TRPC6: variants seen among roughly 807,000 people sequenced by gnomAD.
TRPC6 encodes transient receptor potential cation channel subfamily C member 6.
TRPC6 carries 55 observed loss-of-function variants against 90.7 expected under a neutral mutation model. The ratio of observed to expected loss-of-function variants is 0.61; its 90% CI spans 0.49 to 0.76. The LOEUF is 0.76. TRPC6 is among the 30% of genes least tolerant of loss of function. TRPC6 has a pLI of 0.00. For synonymous variants in TRPC6, 393 were observed against 393.0 expected (o/e 1.00, Z 0.00); for missense variants, 989 against 1,122.7 (o/e 0.88, Z 1.70).
chr11:101,469,806 T>G (rs1215581894), intron 9 of TRPC6, among the ~76,000 whole-genome samples: 1 of 152,216 alleles, frequency 6.6e-6, no homozygotes, highest in African/African-American at 2.4e-5. Flanking sequence ...TATCATAGAT[T>G]GTATTTTTTC....
intron 7 of TRPC6, 75 bp downstream of exon 7, chr11:101,473,434 A>G: frequency 6.5e-7 from 1 of 1,530,870 alleles, no homozygotes; most frequent in Non-Finnish European, 9.0e-7. Context: ...TATCCCATGG[A>G]CTTACATAAA....
At chr11:101,552,385 A>G (rs1478147400) in intron 1 of TRPC6, among the ~76,000 whole-genome samples, 1 of 152,054 alleles carries the variant, frequency 6.6e-6, no homozygotes, top group Non-Finnish European at 1.5e-5. Flanking sequence ...TAATCATCCA[A>G]AATTACTTGG....
At chr11:101,513,343 C>A (rs1206073736) in intron 1 of TRPC6, among the ~76,000 whole-genome samples, 1 of 152,104 alleles carries the variant, frequency 6.6e-6, no homozygotes, top group Non-Finnish European at 1.5e-5. Context: ...GAAGAGTAGG[C>A]CAGGATGACC....
chr11:101,583,339 G>A lies in TRPC6; in HGVS notation c.165C>T (p.Pro55=), dbSNP rs1311281260. ...CCCGCGTCGCCGGCACTCACAAGCA[G>A]GGGTAGTAGCCGTAGCAAGGCAGCG... is the stretch of plus-strand genomic sequence containing the variant. ...QAPLPCYGYY[P]CFRGSDNRLA... The change falls in exon 1 of 13, where the codon CCC becomes CCT. Residue 55 remains proline, a synonymous_variant. Coordinates refer to ENST00000344327, the MANE Select transcript of TRPC6 (RefSeq NM_004621.6). 2 of 1,588,216 alleles carry A rather than the reference G, an allele frequency of 1.3e-6. No homozygotes were observed. The highest frequency in any genetic ancestry group is 1.7e-6 in the Non-Finnish European group (2 of 1,167,920).
intron 1 of TRPC6, among the ~76,000 whole-genome samples, chr11:101,541,403 C>G (rs1861169597): frequency 6.6e-6 from 1 of 152,108 alleles, no homozygotes; most frequent in Non-Finnish European, 1.5e-5. Context: ...GCTCTTTCGC[C>G]CAGGCCGGAG....
intron 1 of TRPC6, among the ~76,000 whole-genome samples, chr11:101,524,174 T>C (rs926125121): frequency 2.0e-5 from 3 of 152,256 alleles, no homozygotes; most frequent in Non-Finnish European, 4.4e-5. Flanking sequence ...TTTGGGATTA[T>C]AGGTTGATCA....
rs1861888800 is a variant in TRPC6, at chr11:101,568,663, C to A, written c.170+14671G>T. ...GAAGCCCATCAGACTAACAGCGAATCTCTTGGCAGAAACCCTACAAGCTAG... is the reference window on the plus strand; with the variant it reads ...GAAGCCCATCAGACTAACAGCGAATATCTTGGCAGAAACCCTACAAGCTAG... On this transcript the variant is annotated intron_variant, in intron 1 of 12. Coordinates refer to ENST00000344327, the MANE Select transcript of TRPC6 (RefSeq NM_004621.6). Among the ~76,000 whole-genome samples the A allele has an allele frequency of 2.6e-5, 4 of 152,194 alleles. No individual in the cohort carries two copies. In the South Asian group the frequency reaches 8.3e-4, roughly 31 times the overall value.
chr11:101,452,967 T>A lies in TRPC6; in HGVS notation c.2784A>T (p.Glu928Asp), dbSNP rs745608223. 12 of 1,613,876 alleles carry A rather than the reference T, an allele frequency of 7.4e-6. No individual in the cohort carries two copies. Among genetic ancestry groups the A allele is most frequent in the Non-Finnish European group, 1.0e-5 (12 of 1,179,834 alleles). Reference protein sequence around the residue: ...EKLSMEPNQEETNR With the variant: ...EKLSMEPNQEDTNR The stretch of plus-strand genomic sequence containing the variant: ...GGAAGTCTTCGCATTATCTATTGGT[T>A]TCCTCTTGATTTGGTTCCATGGATA... The change falls in exon 13 of 13, where the codon GAA becomes GAT. Residue 928 changes from glutamate (E) to aspartate (D), a missense_variant. Glu to Asp is a conservative substitution (Grantham distance 45, BLOSUM62 2). Coordinates refer to ENST00000344327, the MANE Select transcript of TRPC6 (RefSeq NM_004621.6).
In TRPC6 at chr11:101,483,057, T is replaced by C; in HGVS notation, c.1402A>G (p.Thr468Ala). 1 of 1,614,102 alleles carries C rather than the reference T, an allele frequency of 6.2e-7. No homozygotes were observed. Among genetic ancestry groups the C allele is most frequent in the Non-Finnish European group, 8.5e-7 (1 of 1,179,966 alleles). Reference sequence around the variant, plus strand: ...CTGGTTTCATTAGGAAGGAGTTTTGTGCCTTCAAATCTGTCAGCTGCATTC... The same window carrying C: ...CTGGTTTCATTAGGAAGGAGTTTTGCGCCTTCAAATCTGTCAGCTGCATTC... ...VMNAADRFEG[T>A]KLLPNETSTD... Residue 468 changes from threonine to alanine, a missense_variant, in exon 5 of 13, where the codon ACA becomes GCA. By Grantham distance (58) the Thr-to-Ala change is moderately conservative. Around this residue, in one of 4 missense-constraint regions of TRPC6, gnomAD observed 486 missense variants for 591.9 expected, o/e 0.82. Transcript: ENST00000344327.
Position 101,583,389 on chromosome 11 carries a change from C to G in TRPC6, c.115G>C (p.Gly39Arg). 6.3e-7 allele frequency: 1 copy of G among 1,591,878 alleles called. No homozygotes were observed. Among genetic ancestry groups the G allele is most frequent in the South Asian group, 1.1e-5 (1 of 87,928 alleles). The stretch of plus-strand genomic sequence containing the variant: ...GGGGCTTGCGGGCAGCCGTCTTCTC[C>G]CAGCTCCGAGTCCATGAGCAGATAG... ...QDYLLMDSEL[G>R]EDGCPQAPLP... The change falls in exon 1 of 13, where the codon GGA (glycine) becomes CGA (arginine). Residue 39 changes from glycine (G) to arginine (R), a missense_variant. Coordinates refer to ENST00000344327, the MANE Select transcript of TRPC6 (RefSeq NM_004621.6).
chr11:101,559,848 T>C (rs1008394870), intron 1 of TRPC6, among the ~76,000 whole-genome samples: 2 of 143,462 alleles, frequency 1.4e-5, no homozygotes, highest in African/African-American at 2.6e-5. Context: ...AGTGTTCTCA[T>C]TGTTCAATTC....
At chr11:101,561,155 G>A (rs12226165) in intron 1 of TRPC6, among the ~76,000 whole-genome samples, 1 of 151,952 alleles carries the variant, frequency 6.6e-6, no homozygotes, top group Non-Finnish European at 1.5e-5. Context: ...ATAGCACACT[G>A]CTGATAAAGT....
chr11:101,471,993 C>G (rs1341026236), intron 8 of TRPC6, 144 bp downstream of exon 8: 1 of 814,094 alleles, frequency 1.2e-6, no homozygotes, highest in East Asian at 2.6e-5. Context: ...TAAAATTTTC[C>G]AGATTACTGG....
chr11:101,530,806 C>A (rs1431822172), intron 1 of TRPC6, among the ~76,000 whole-genome samples: 3 of 151,986 alleles, frequency 2.0e-5, no homozygotes, highest in African/African-American at 7.3e-5. Context: ...AAGCAGAAAA[C>A]CAATGCATCC....
At chr11:101,511,812 T>C (rs903363825) in intron 1 of TRPC6, among the ~76,000 whole-genome samples, 4 of 151,884 alleles carry the variant, frequency 2.6e-5, no homozygotes, top group African/African-American at 9.7e-5. Context: ...GCCAACATGG[T>C]GAAACCCTGT....
intron 1 of TRPC6, among the ~76,000 whole-genome samples, chr11:101,508,661 T>C (rs890048118): frequency 1.3e-5 from 2 of 152,106 alleles, no homozygotes; most frequent in Non-Finnish European, 1.5e-5. Context: ...GGAGAGACAG[T>C]ATCTTCCAAA....
chr11:101,514,817 A>G (rs1348161037), intron 1 of TRPC6, among the ~76,000 whole-genome samples: 1 of 152,248 alleles, frequency 6.6e-6, no homozygotes, highest in East Asian at 1.9e-4. Flanking sequence ...CAAGATCTCA[A>G]GTTGAGAATA....
intron 1 of TRPC6, among the ~76,000 whole-genome samples, chr11:101,549,990 C>T (rs1861414978): frequency 1.3e-5 from 2 of 151,474 alleles, no homozygotes; most frequent in Non-Finnish European, 3.0e-5. Flanking sequence ...AAATTATAAC[C>T]TCCCTTTTTT....
intron 8 of TRPC6, 51 bp downstream of exon 8, chr11:101,472,086 G>A: frequency 6.4e-7 from 1 of 1,561,108 alleles, no homozygotes; most frequent in Non-Finnish European, 8.8e-7. Context: ...TTAGCCCTTG[G>A]AATAGTTAAA....
Sources: gnomAD v4.1 joint callset for allele counts (sites outside exome capture counted in the v4.1 genomes callset) on GRCh38, gnomAD v4.1.1 for gene constraint, gnomAD v4.1.1 regional missense constraint, MANE v1.5 for transcripts, NCBI Gene and HGNC (gene_info 2026-07-23, HGNC 2026-07-21) for gene names.